SPOCK3: variants seen among roughly 807,000 people sequenced by gnomAD.
The protein encoded by SPOCK3 is testican-3.
A neutral mutation model predicts 56.6 loss-of-function variants in SPOCK3; 30 were observed. The ratio of observed to expected loss-of-function variants is 0.53; its 90% CI spans 0.40 to 0.72. The LOEUF (loss-of-function observed/expected upper bound fraction) is 0.72. SPOCK3 is among the 30% of genes least tolerant of loss of function. SPOCK3 has a pLI of 0.00. For missense variants in SPOCK3, 527 were observed against 530.0 expected (o/e 0.99, Z 0.06); for synonymous variants, 196 against 183.3 (o/e 1.07, Z -0.56).
chr4:167,082,219 A>C (rs191187368), intron 2 of SPOCK3, among the ~76,000 whole-genome samples: 1 of 152,248 alleles, frequency 6.6e-6, no homozygotes, highest in Admixed American at 6.6e-5. Flanking sequence ...ATGTCATAGA[A>C]ATCTGCACAA....
chr4:167,049,393 G>A (rs1294337070), intron 3 of SPOCK3, among the ~76,000 whole-genome samples: 1 of 152,130 alleles, frequency 6.6e-6, no homozygotes, highest in Non-Finnish European at 1.5e-5. Context: ...AGTACAGGTT[G>A]ATTACACGTG....
At chr4:166,870,820 CCA>C (rs1440861210) in intron 6 of SPOCK3, among the ~76,000 whole-genome samples, 4 of 151,988 alleles carry the variant, frequency 2.6e-5, no homozygotes, top group African/African-American at 9.7e-5. Flanking sequence ...CCCATAATTC[CCA>C]CATGTCGAGG....
chr4:166,934,448 A>C (rs1269342354), intron 4 of SPOCK3, among the ~76,000 whole-genome samples: 3 of 152,054 alleles, frequency 2.0e-5, no homozygotes, highest in Non-Finnish European at 4.4e-5. Context: ...CAGTGAGCCG[A>C]GATCGCGCCA....
chr4:167,216,587 C>A (rs1432615868), intron 2 of SPOCK3, among the ~76,000 whole-genome samples: 2 of 152,008 alleles, frequency 1.3e-5, no homozygotes, highest in Non-Finnish European at 2.9e-5. Flanking sequence ...AGGAGGAAGA[C>A]AAGAGTCCAA....
At chr4:167,071,575 T>C (rs573107781) in intron 2 of SPOCK3, among the ~76,000 whole-genome samples, 2 of 152,030 alleles carry the variant, frequency 1.3e-5, no homozygotes, top group Non-Finnish European at 2.9e-5. Flanking sequence ...TGAACTCATC[T>C]TGTTTTATGG....
At chr4:167,200,947 A>G (rs1002847669) in intron 2 of SPOCK3, among the ~76,000 whole-genome samples, 1 of 152,020 alleles carries the variant, frequency 6.6e-6, no homozygotes, top group African/African-American at 2.4e-5. Context: ...ATGCGGGCAC[A>G]CCAGCTATGA....
chr4:166,908,673 C>T (rs1736899756), intron 5 of SPOCK3, among the ~76,000 whole-genome samples: 2 of 151,904 alleles, frequency 1.3e-5, no homozygotes, highest in South Asian at 4.1e-4. Context: ...CACTGTTGTC[C>T]TCAGGGAATT....
At chr4:166,927,913 GCCAAAGACCTTGATAGACACCTCA>G (rs1739301148) in intron 4 of SPOCK3, among the ~76,000 whole-genome samples, 2 of 151,910 alleles carry the variant, frequency 1.3e-5, no homozygotes, top group African/African-American at 2.4e-5. Context: ...TTAAAAATGA[GCCAAAGACCTTGATAGACACCTCA>G]CCAAAGATGA....
chr4:166,963,215 C>T (rs925429937), intron 4 of SPOCK3, among the ~76,000 whole-genome samples: 4 of 151,888 alleles, frequency 2.6e-5, no homozygotes, highest in Admixed American at 2.6e-4. Context: ...AACTTGACTA[C>T]CATTACTAAA....
chr4:166,820,911 C>T (rs547816551), intron 6 of SPOCK3, among the ~76,000 whole-genome samples: 2 of 151,974 alleles, frequency 1.3e-5, no homozygotes, highest in African/African-American at 4.8e-5. Flanking sequence ...GTCTTAGCTA[C>T]AAAACCAAAA....
chr4:166,783,707 AC>A (rs1740424809), intron 7 of SPOCK3, among the ~76,000 whole-genome samples: 1 of 152,020 alleles, frequency 6.6e-6, no homozygotes, highest in Non-Finnish European at 1.5e-5. Flanking sequence ...TCATTAAACA[AC>A]CCCAAATAAT....
At chr4:167,038,492 C>T (rs1484602069) in intron 3 of SPOCK3, among the ~76,000 whole-genome samples, 1 of 152,040 alleles carries the variant, frequency 6.6e-6, no homozygotes, top group African/African-American at 2.4e-5. Flanking sequence ...ATTCACTCCA[C>T]ACGTCCCAGA....
At chr4:166,825,521 C>T (rs1188633414) in intron 6 of SPOCK3, among the ~76,000 whole-genome samples, 2 of 152,042 alleles carry the variant, frequency 1.3e-5, no homozygotes, top group Admixed American at 1.3e-4. Context: ...GTCAATCTAG[C>T]AATCCCACTA....
At chr4:167,053,315 A>G (rs1164571580) in intron 3 of SPOCK3, among the ~76,000 whole-genome samples, 1 of 151,924 alleles carries the variant, frequency 6.6e-6, no homozygotes, top group African/African-American at 2.4e-5. Flanking sequence ...TCTGTCTCTC[A>G]TGGCTAGATT....
At chr4:167,053,858 C>G (rs1360331701) in intron 3 of SPOCK3, among the ~76,000 whole-genome samples, 2 of 152,096 alleles carry the variant, frequency 1.3e-5, no homozygotes, top group Non-Finnish European at 2.9e-5. Context: ...AGCTACACTT[C>G]TTGCCCCTAA....
intron 2 of SPOCK3, among the ~76,000 whole-genome samples, chr4:167,180,410 A>T (rs1307017979): frequency 6.6e-6 from 1 of 152,172 alleles, no homozygotes; most frequent in Admixed American, 6.5e-5. Flanking sequence ...GGACATCACC[A>T]TGTGAGCAGC....
chr4:166,917,047 G>A (rs1737937256), intron 4 of SPOCK3, among the ~76,000 whole-genome samples: 1 of 152,098 alleles, frequency 6.6e-6, no homozygotes, highest in Admixed American at 6.6e-5. Context: ...TGAAAGACAT[G>A]GAGGGAGCCC....
chr4:166,857,368 G>A (rs1730801175), intron 6 of SPOCK3, among the ~76,000 whole-genome samples: 1 of 152,098 alleles, frequency 6.6e-6, no homozygotes, highest in Admixed American at 6.5e-5. Context: ...ACCAAATGGG[G>A]GACACAGTTG....
At position 167,000,447 on chromosome 4, in the gene SPOCK3, C is replaced by T. The variant is rs1455778677; in HGVS notation, c.252G>A (p.Lys84=). Residue 84 remains lysine (K), a synonymous_variant, in exon 4 of 11, where the codon AAG becomes AAA. Coordinates refer to ENST00000357545, the MANE Select transcript of SPOCK3 (RefSeq NM_001040159.2). ...KPFDQALDPA[K]DPCLKMKCSR... ...TACATTTCATCTTTAAGCATGGATC[C>T]TTAGCTGGATCTAAAGCTAAAAAAA... is the stretch of plus-strand genomic sequence containing the variant. The T allele has an allele frequency of 1.3e-6, 2 of 1,587,088 alleles. No individual in the cohort carries two copies. Among genetic ancestry groups the T allele is most frequent in the Non-Finnish European group, 1.7e-6 (2 of 1,163,670 alleles).
Sources: gnomAD v4.1 joint callset for allele counts (sites outside exome capture counted in the v4.1 genomes callset) on GRCh38, gnomAD v4.1.1 for gene constraint, MANE v1.5 for transcripts, NCBI Gene and HGNC (gene_info 2026-07-23, HGNC 2026-07-21) for gene names.